The following ANK2 variants were observed in gnomAD, a reference collection of about 807,000 sequenced individuals.
ANK2 encodes ankyrin-2.
In ANK2, 83 loss-of-function variants were observed where a neutral mutation model predicts 360.5. The observed-to-expected ratio is 0.23, with a 90% CI of 0.19 to 0.28. The LOEUF is 0.28. ANK2 is among the 10% of genes least tolerant of loss of function. The probability of loss-of-function intolerance (pLI) is 1.00; values close to 1 mark genes in which losing one functional copy is unlikely to be tolerated. For missense variants in ANK2, 4,201 were observed against 4,795.7 expected (o/e 0.88, Z 3.66); for synonymous variants, 1,740 against 1,759.5 (o/e 0.99, Z 0.28).
chr4:113,361,530 G>A (rs983238997), intron 39 of ANK2, among the ~76,000 whole-genome samples: 1 of 147,186 alleles, frequency 6.8e-6, no homozygotes, highest in African/African-American at 2.5e-5. Context: ...AAGATTCTCA[G>A]TCTGGCTTTT....
intron 2 of ANK2, among the ~76,000 whole-genome samples, chr4:113,031,093 G>T (rs1299373300): frequency 1.3e-5 from 2 of 151,974 alleles, no homozygotes; most frequent in Non-Finnish European, 2.9e-5. Flanking sequence ...TTGCTTGCTT[G>T]AAAAATACTT....
chr4:112,772,907 C>T, the ANK2 span, among the ~76,000 whole-genome samples: 2 of 152,108 alleles, frequency 1.3e-5, no homozygotes, highest in Non-Finnish European at 2.9e-5. Context: ...TGTTCTGAGG[C>T]TGTACAAGAA....
the ANK2 span, among the ~76,000 whole-genome samples, chr4:112,740,706 A>C: frequency 3.4e-3 from 516 of 152,114 alleles, 3 homozygotes; most frequent in African/African-American, 0.012. Flanking sequence ...CATCTCAAAA[A>C]AGAAGAAAAA....
At chr4:113,075,240 CTG>C (rs2079426505) in intron 1 of ANK2, among the ~76,000 whole-genome samples, 2 of 152,230 alleles carry the variant, frequency 1.3e-5, no homozygotes, top group African/African-American at 4.8e-5. Flanking sequence ...CTACCTATGA[CTG>C]TGAACGATGA....
At chr4:112,881,379 T>G (rs1195176836) in intron 1 of ANK2, among the ~76,000 whole-genome samples, 1 of 152,186 alleles carries the variant, frequency 6.6e-6, no homozygotes, top group Non-Finnish European at 1.5e-5. Context: ...GAGGTTGCAG[T>G]GAGCTGAGAT....
chr4:113,261,797 A>G (rs1156234595), intron 13 of ANK2, among the ~76,000 whole-genome samples: 3 of 152,220 alleles, frequency 2.0e-5, no homozygotes, highest in African/African-American at 7.2e-5. Context: ...ACCCATAAAA[A>G]AAACTTAAGT....
chr4:112,759,153 A>G, the ANK2 span, among the ~76,000 whole-genome samples: 1 of 151,954 alleles, frequency 6.6e-6, no homozygotes, highest in African/African-American at 2.4e-5. Flanking sequence ...CTTTTTTTTA[A>G]GAGACAGGGT....
chr4:113,159,325 A>G (rs537793024), intron 1 of ANK2, among the ~76,000 whole-genome samples: 2 of 152,226 alleles, frequency 1.3e-5, no homozygotes, highest in Non-Finnish European at 2.9e-5. Flanking sequence ...GATACATTTT[A>G]TATACATAGT....
intron 19 of ANK2, 146 bp downstream of exon 19, chr4:113,287,849 C>G (rs1216896966): frequency 1.3e-6 from 1 of 748,136 alleles, no homozygotes; most frequent in Admixed American, 2.0e-5. Context: ...CTCCTATGCA[C>G]AAATCTATGG....
intron 1 of ANK2, among the ~76,000 whole-genome samples, chr4:113,109,573 T>C (rs746544983): frequency 6.6e-6 from 1 of 152,182 alleles, no homozygotes; most frequent in Non-Finnish European, 1.5e-5. Flanking sequence ...TGACCTTCGA[T>C]ATCTGCCTTC....
intron 1 of ANK2, among the ~76,000 whole-genome samples, chr4:113,083,967 G>T (rs752935965): frequency 3.3e-5 from 5 of 152,142 alleles, no homozygotes; most frequent in Non-Finnish European, 5.9e-5. Flanking sequence ...AAATCTAGTG[G>T]AATCGTTGTG....
At chr4:113,128,120 T>C (rs1444682319) in intron 1 of ANK2, among the ~76,000 whole-genome samples, 1 of 152,068 alleles carries the variant, frequency 6.6e-6, no homozygotes, top group East Asian at 1.9e-4. Flanking sequence ...AGAGACTTTA[T>C]ATGTAAAAAG....
chr4:113,263,376 G>A (rs2153653618), intron 13 of ANK2, among the ~76,000 whole-genome samples: 1 of 152,140 alleles, frequency 6.6e-6, no homozygotes, highest in Non-Finnish European at 1.5e-5. Flanking sequence ...ACATACTCCA[G>A]ATACATTTAC....
chr4:113,059,730 A>G (rs939967162), intron 1 of ANK2, among the ~76,000 whole-genome samples: 7 of 152,146 alleles, frequency 4.6e-5, no homozygotes, highest in African/African-American at 1.7e-4. Flanking sequence ...TATTCTGAAA[A>G]GAGCATTTAA....
At chr4:112,776,041 C>T in the ANK2 span, among the ~76,000 whole-genome samples, 4 of 152,132 alleles carry the variant, frequency 2.6e-5, no homozygotes, top group East Asian at 1.9e-4. Context: ...TTCTGAGAAG[C>T]GCCAGCCTAG....
intron 1 of ANK2, among the ~76,000 whole-genome samples, chr4:113,139,486 G>A (rs969555201): frequency 6.6e-6 from 1 of 152,180 alleles, no homozygotes; most frequent in African/African-American, 2.4e-5. Flanking sequence ...CTGTGGGGAA[G>A]CCCCTGCTTT....
rs770223862 is a variant in ANK2 at position 113,356,614 on chromosome 4, A to G, written c.7996A>G (p.Ser2666Gly). The G allele has an allele frequency of 1.2e-6, 2 of 1,614,116 alleles. No individual in the cohort carries two copies. Among genetic ancestry groups the G allele is most frequent in the Non-Finnish European group, 1.7e-6 (2 of 1,179,978 alleles). Reference sequence around the variant, plus strand: ...CAGGAAGGTGTCTTCCTCCTCAGAAAGTGAACCTGAGTTGGCACAGCTTAA... The same window carrying G: ...CAGGAAGGTGTCTTCCTCCTCAGAAGGTGAACCTGAGTTGGCACAGCTTAA... ...ESRKVSSSSE[S>G]EPELAQLKKG... The change falls in exon 38 of 46, where the codon AGT (serine) becomes GGT (glycine). Residue 2666 changes from serine to glycine, a missense_variant. Ser to Gly is a moderately conservative substitution (Grantham distance 56). Coordinates refer to ENST00000357077, the MANE Select transcript of ANK2 (RefSeq NM_001148.6).
chr4:113,333,312 G>A (rs2092908561), intron 29 of ANK2, 104 bp downstream of exon 29: 3 of 1,314,220 alleles, frequency 2.3e-6, no homozygotes, highest in East Asian at 2.4e-5. Context: ...GTGTGTGTGT[G>A]TGTGTGTGTG....
chr4:113,070,576 T>C (rs137997321), intron 1 of ANK2, among the ~76,000 whole-genome samples: 1 of 152,274 alleles, frequency 6.6e-6, no homozygotes, highest in East Asian at 1.9e-4. Context: ...AAGCAATAAG[T>C]TTGACAGGAA....
Sources: allele counts gnomAD v4.1 joint callset (sites outside exome capture counted in the v4.1 genomes callset), GRCh38; gene constraint gnomAD v4.1.1; transcripts MANE v1.5; gene names NCBI Gene and HGNC (gene_info 2026-07-23, HGNC 2026-07-21).